RALGAPB: variants seen among roughly 807,000 people sequenced by gnomAD.
The protein encoded by RALGAPB is ral GTPase-activating protein subunit beta.
In RALGAPB, 25 loss-of-function variants were observed where a neutral mutation model predicts 161.1. The ratio of observed to expected loss-of-function variants is 0.16; its 90% CI spans 0.11 to 0.22. The LOEUF is 0.22. Ranked by LOEUF, RALGAPB falls within the 10% of genes least tolerant of loss-of-function variation. The pLI is 1.00. For synonymous variants in RALGAPB, 629 were observed against 626.1 expected, an observed-to-expected ratio of 1.00 and a Z score of -0.07; for missense variants, 1,391 against 1,815.2, an observed-to-expected ratio of 0.77 and a Z score of 4.25.
At chr20:38,501,730 G>A (rs1285887982) in intron 5 of RALGAPB, among the ~76,000 whole-genome samples, 1 of 152,060 alleles carries the variant, frequency 6.6e-6, no homozygotes, top group Non-Finnish European at 1.5e-5. Context: ...AAGAAATACA[G>A]CTGACCATTG....
At chr20:38,482,022 A>T (rs2084984885) in intron 1 of RALGAPB, among the ~76,000 whole-genome samples, 1 of 152,212 alleles carries the variant, frequency 6.6e-6, no homozygotes, top group African/African-American at 2.4e-5. Context: ...AAAAATTTTC[A>T]AGTAACTTTT....
At chr20:38,514,899 C>G (rs2086080239) in intron 6 of RALGAPB, among the ~76,000 whole-genome samples, 1 of 152,124 alleles carries the variant, frequency 6.6e-6, no homozygotes, top group Non-Finnish European at 1.5e-5. Context: ...CCTTTGTTAC[C>G]CATTCTTATT....
At chr20:38,512,319 T>C (rs548596105) in intron 6 of RALGAPB, among the ~76,000 whole-genome samples, 315 of 152,376 alleles carry the variant, frequency 2.1e-3, no homozygotes, top group African/African-American at 7.3e-3. Flanking sequence ...TTCATACTTG[T>C]TTTGGTGACT....
At chr20:38,510,150 A>G (rs1456774984) in intron 6 of RALGAPB, among the ~76,000 whole-genome samples, 4 of 151,208 alleles carry the variant, frequency 2.6e-5, no homozygotes, top group African/African-American at 9.7e-5. Context: ...ACACACACAC[A>G]CACACACACA....
intron 6 of RALGAPB, 90 bp from the exon 7 acceptor site, chr20:38,516,102 G>T: frequency 1.0e-6 from 1 of 1,001,380 alleles, no homozygotes; most frequent in Non-Finnish European, 1.4e-6. Context: ...AGAGAAATAG[G>T]CACAGTCCTA....
chr20:38,497,617 A>T (rs1356525082), intron 4 of RALGAPB, 101 bp downstream of exon 4: 12 of 1,286,786 alleles, frequency 9.3e-6, no homozygotes, highest in Non-Finnish European at 1.3e-5. Flanking sequence ...AAATTTTGGC[A>T]TGATGGTTTA....
chr20:38,562,719 A>G (rs1198065859), intron 24 of RALGAPB, 22 bp downstream of exon 24: 2 of 1,564,574 alleles, frequency 1.3e-6, no homozygotes, highest in East Asian at 2.3e-5. Flanking sequence ...AGTGTTTCAA[A>G]TGTCAGTTGT....
At chr20:38,487,016 C>T (rs192847193) in intron 1 of RALGAPB, among the ~76,000 whole-genome samples, 2 of 152,180 alleles carry the variant, frequency 1.3e-5, no homozygotes, top group African/African-American at 4.8e-5. Flanking sequence ...TTTATATGAA[C>T]ATCCGGTAAT....
chr20:38,481,674 A>G (rs575670933), intron 1 of RALGAPB, among the ~76,000 whole-genome samples: 15 of 152,342 alleles, frequency 9.8e-5, no homozygotes, highest in South Asian at 2.1e-4. Flanking sequence ...AACCATATCA[A>G]TGTATACATC....
intron 23 of RALGAPB, among the ~76,000 whole-genome samples, chr20:38,561,159 C>T (rs539111425): frequency 1.4e-3 from 206 of 152,156 alleles, no homozygotes; most frequent in Non-Finnish European, 2.6e-3. Flanking sequence ...CCCGTTTTTA[C>T]TAAAAATACA....
At chr20:38,474,081 G>A (rs74635408) in intron 1 of RALGAPB, among the ~76,000 whole-genome samples, 1 of 152,092 alleles carries the variant, frequency 6.6e-6, no homozygotes, top group Non-Finnish European at 1.5e-5. Context: ...TGAGTCATCT[G>A]GAACATTTAA....
rs926509689 is a variant in RALGAPB, at chr20:38,481,568, C to T, written c.-30-6835C>T. ...GAACAGCGCAGTGAAGACTTGCCCC[C>T]ATAATTCAGTCACCTCCCACAGGGT... On this transcript the variant is annotated intron_variant, in intron 1 of 29. Transcript: ENST00000262879. 4.6e-5 allele frequency among the ~76,000 whole-genome samples: 7 copies of T among 152,212 alleles called. 1 individual carries two copies. The highest frequency in any genetic ancestry group is 1.0e-4 in the Non-Finnish European group (7 of 68,046).
At chr20:38,481,519 C>T (rs890647314) in intron 1 of RALGAPB, among the ~76,000 whole-genome samples, 3 of 152,148 alleles carry the variant, frequency 2.0e-5, no homozygotes, top group Non-Finnish European at 4.4e-5. Flanking sequence ...CATCAGATCT[C>T]GTGAGATTCA....
In RALGAPB at chr20:38,473,848, T is replaced by A. The variant is rs180739998; in HGVS notation, c.-31+779T>A. On this transcript the variant is annotated intron_variant, in intron 1 of 29. Transcript: ENST00000262879. ...AAGCCAGACTTCAATATTTTTTTTT[T>A]AAAGATGCCCAAGTGATTCCAGCTT... is the stretch of plus-strand genomic sequence containing the variant. Among the ~76,000 whole-genome samples, 194 of 152,310 alleles carry A rather than the reference T, an allele frequency of 1.3e-3. 2 individuals are homozygous for A. Among genetic ancestry groups the A allele is most frequent in the Admixed American group, 1.4e-3 (21 of 15,300 alleles).
intron 10 of RALGAPB, 76 bp downstream of exon 10, chr20:38,521,774 G>T: frequency 6.9e-7 from 1 of 1,447,442 alleles, no homozygotes; most frequent in East Asian, 2.3e-5. Flanking sequence ...CGACTGAACC[G>T]ATGAGTGATG....
In RALGAPB at chr20:38,517,778, T is replaced by C; in HGVS notation, c.1201-6T>C. On this transcript the variant is annotated splice_polypyrimidine_tract_variant and splice_region_variant and intron_variant, in intron 8 of 29. Transcript: ENST00000262879. ...GTATGGGTGTATTCTTGTGTTCGTC[T>C]AATAGGTTAGTACTGCTCATGCCTC... 6.2e-7 allele frequency: 1 copy of C among 1,609,980 alleles called. No individual in the cohort carries two copies. The highest frequency in any genetic ancestry group is 8.5e-7 in the Non-Finnish European group (1 of 1,176,240).
chr20:38,562,457 C>A, intron 23 of RALGAPB, 75 bp from the exon 24 acceptor site: 1 of 1,307,130 alleles, frequency 7.7e-7, no homozygotes, highest in Non-Finnish European at 1.0e-6. Context: ...CAAAACTAAC[C>A]AATTTTTATG....
chr20:38,522,135 A>G (rs1473464982), intron 10 of RALGAPB, among the ~76,000 whole-genome samples: 3 of 152,376 alleles, frequency 2.0e-5, no homozygotes, highest in Non-Finnish European at 4.4e-5. Context: ...GGCACAGATA[A>G]TGTGCTGTGG....
chr20:38,479,308 G>T (rs1351868278), intron 1 of RALGAPB, among the ~76,000 whole-genome samples: 1 of 152,108 alleles, frequency 6.6e-6, no homozygotes, highest in Non-Finnish European at 1.5e-5. Context: ...TTAAAGAATT[G>T]TTTTTTGTAA....
Sources: allele counts gnomAD v4.1 joint callset (sites outside exome capture counted in the v4.1 genomes callset), GRCh38; gene constraint gnomAD v4.1.1; transcripts MANE v1.5; gene names NCBI Gene and HGNC (gene_info 2026-07-23, HGNC 2026-07-21).